FAM149A: variants seen among roughly 807,000 people sequenced by gnomAD.
FAM149A encodes protein FAM149A.
In FAM149A, 71 loss-of-function variants were observed where a neutral mutation model predicts 78.2. The observed-to-expected ratio is 0.91, with a 90% CI of 0.75 to 1.11. The LOEUF is 1.11. FAM149A is among the 50% of genes least tolerant of loss of function. FAM149A has a pLI of 0.00. For synonymous variants in FAM149A, 446 were observed against 410.5 expected (o/e 1.09, Z -1.04); for missense variants, 1,036 against 971.0 (o/e 1.07, Z -0.89).
intron 8 of FAM149A, among the ~76,000 whole-genome samples, chr4:186,160,324 AAC>A (rs1734468317): frequency 8.1e-6 from 1 of 122,792 alleles, no homozygotes; most frequent in East Asian, 2.5e-4. Context: ...CCACACACCA[AAC>A]ACACACCACA....
intron 3 of FAM149A, among the ~76,000 whole-genome samples, chr4:186,150,361 TG>T (rs113369112): frequency 0.035 from 5,159 of 149,002 alleles, 320 homozygotes; most frequent in African/African-American, 0.11. Flanking sequence ...CTGGGTGTTT[TG>T]TTGTTGTTGT....
rs189048102 is a variant in FAM149A, at chr4:186,124,978, T to C, written c.566+19336T>C. ...ATTCTAACTGGTGTGAGACGGTATCTCGTTGTGGTTTTGATTTGCATTTTT... is the reference window on the plus strand; with the variant it reads ...ATTCTAACTGGTGTGAGACGGTATCCCGTTGTGGTTTTGATTTGCATTTTT... On this transcript the variant is annotated intron_variant, in intron 1 of 13. Transcript: ENST00000389354. Among the ~76,000 whole-genome samples the C allele has an allele frequency of 9.8e-4, 149 of 152,360 alleles. 1 individual carries two copies. The highest frequency in any genetic ancestry group is 9.6e-4 in the Non-Finnish European group (65 of 68,042).
At chr4:186,132,238 T>A in intron 1 of FAM149A, 1 of 984,388 alleles carries the variant, frequency 1.0e-6, no homozygotes, top group Non-Finnish European at 1.2e-6. Context: ...AGTATTGTCA[T>A]GAGACAAAAT....
chr4:186,109,673 T>C lies in FAM149A; in HGVS notation c.566+4031T>C, dbSNP rs943343527. The C allele has an allele frequency of 5.1e-6, 5 of 983,668 alleles. No individual in the cohort carries two copies. The African/African-American group carries it at 8.7e-5, about 17-fold the overall frequency. The allele number at this position is 983,668 out of a possible 1,614,324, so 60.9% of individuals were successfully genotyped here. ...TATATGGAGAAATGCTAAAAAAGTG[T>C]TATCTATGATTACTACCTGCTTCTT... On this transcript the variant is annotated intron_variant, in intron 1 of 13. Transcript: ENST00000389354.
Position 186,158,152 on chromosome 4 carries a change from T to C in FAM149A, c.1575+433T>C. The C allele has an allele frequency of 3.1e-6, 4 of 1,285,000 alleles. No individual in the cohort carries two copies. The South Asian group carries it at 3.9e-5, about 13-fold the overall frequency. 79.6% of individuals were successfully genotyped at this position (1,285,000 alleles called of 1,614,324 possible). A position where few individuals can be genotyped will look rare whatever the true frequency, so the allele number is the denominator to read the frequency against. On this transcript the variant is annotated intron_variant, in intron 8 of 13. Coordinates refer to ENST00000389354, the MANE Select transcript of FAM149A (RefSeq NM_001367768.3). The stretch of plus-strand genomic sequence containing the variant: ...GCTCCAGGAACACTGGCCGGCAGGC[T>C]GTGCTGAAGCTCACTGCTGCCACCA...
chr4:186,127,448 A>T (rs899428807), intron 1 of FAM149A: 2 of 985,290 alleles, frequency 2.0e-6, no homozygotes, highest in African/African-American at 3.5e-5. Flanking sequence ...CTCAGAAGAG[A>T]TGTCAAGAGG....
chr4:186,124,434 C>T (rs1289181226), intron 1 of FAM149A, among the ~76,000 whole-genome samples: 2 of 150,178 alleles, frequency 1.3e-5, no homozygotes, highest in East Asian at 2.0e-4. Context: ...CCACAACAGG[C>T]CCCGGTGTGT....
At chr4:186,142,416 C>T (rs925428739) in intron 1 of FAM149A, among the ~76,000 whole-genome samples, 4 of 152,180 alleles carry the variant, frequency 2.6e-5, no homozygotes, top group African/African-American at 7.2e-5. Context: ...CTGAGTGTAT[C>T]GTGCATGTGT....
At chr4:186,157,087 T>G (rs1734092001) in intron 7 of FAM149A, among the ~76,000 whole-genome samples, 1 of 152,230 alleles carries the variant, frequency 6.6e-6, no homozygotes. Context: ...GATATTTGTT[T>G]TTCATTGTTC....
intron 1 of FAM149A, among the ~76,000 whole-genome samples, chr4:186,136,964 T>TTTCTCTCTCTCTC (rs2099323211): frequency 3.1e-5 from 3 of 97,040 alleles, no homozygotes; most frequent in African/African-American, 8.9e-5. Flanking sequence ...CTCTCTCTCT[T>TTTCTCTCTCTCTC]TCTCTCTCTC....
At chr4:186,108,924 T>G (rs564996913) in intron 1 of FAM149A, 2 of 150,984 alleles carry the variant, frequency 1.3e-5, no homozygotes, top group East Asian at 3.9e-4. Flanking sequence ...CTCGGCTCAC[T>G]GCAAGCTCCG....
chr4:186,126,818 C>T, intron 1 of FAM149A: 6 of 901,882 alleles, frequency 6.7e-6, no homozygotes, highest in Non-Finnish European at 8.0e-6. Flanking sequence ...AATAAATCTC[C>T]TGGTGTATGT....
chr4:186,174,286 T>C lies in FAM149A; in HGVS notation c.*2299T>C, dbSNP rs1411697029. Among the ~76,000 whole-genome samples, 1 of 110,724 alleles carries C rather than the reference T, an allele frequency of 9.0e-6. No individual in the cohort carries two copies. The highest frequency in any genetic ancestry group is 2.3e-5 in the Non-Finnish European group (1 of 44,120). 72.6% of individuals were successfully genotyped at this position (110,724 alleles called of 152,430 possible). A position where few individuals can be genotyped will look rare whatever the true frequency, so the allele number is the denominator to read the frequency against. ...TGTGTGCTGTTCCCCTCTGTGTCCA[T>C]GTGTTCTCATCATTTAGCTCCCACT... On this transcript the variant is annotated 3_prime_UTR_variant, in exon 14 of 14. Transcript: ENST00000389354.
intron 1 of FAM149A, among the ~76,000 whole-genome samples, chr4:186,140,441 C>CTTTTTTTTTTTT (rs67506672): frequency 9.5e-6 from 1 of 104,964 alleles, no homozygotes; most frequent in African/African-American, 3.7e-5. Flanking sequence ...ACACACCTAG[C>CTTTTTTTTTTTT]TTTTTTTTTT....
At chr4:186,140,179 G>A (rs1437680225) in intron 1 of FAM149A, among the ~76,000 whole-genome samples, 1 of 152,234 alleles carries the variant, frequency 6.6e-6, no homozygotes, top group South Asian at 2.1e-4. Flanking sequence ...GGGCAAGACA[G>A]AGCCAGCACG....
chr4:186,145,509 C>T (rs1034560090), intron 1 of FAM149A, among the ~76,000 whole-genome samples: 1 of 152,206 alleles, frequency 6.6e-6, no homozygotes, highest in Non-Finnish European at 1.5e-5. Context: ...CTGTCACTGA[C>T]ATTAGAATTT....
chr4:186,167,417 G>A (rs372088710), intron 13 of FAM149A, 155 bp downstream of exon 13: 23 of 728,404 alleles, frequency 3.2e-5, no homozygotes, highest in Non-Finnish European at 4.0e-5. Flanking sequence ...CAGAAACCTC[G>A]ATCACAGAGC....
chr4:186,110,092 T>C (rs1450193281), intron 1 of FAM149A: 1 of 985,364 alleles, frequency 1.0e-6, no homozygotes, highest in Non-Finnish European at 1.2e-6. Context: ...TATCAGACTA[T>C]AAACTCTTTG....
intron 1 of FAM149A, among the ~76,000 whole-genome samples, chr4:186,134,910 A>G (rs2099322093): frequency 6.6e-6 from 1 of 152,214 alleles, no homozygotes. Flanking sequence ...ACAATTCAAT[A>G]TGACGCAGTT....
Sources: gnomAD v4.1 joint callset for allele counts (sites outside exome capture counted in the v4.1 genomes callset) on GRCh38, gnomAD v4.1.1 for gene constraint, MANE v1.5 for transcripts, NCBI Gene and HGNC (gene_info 2026-07-23, HGNC 2026-07-21) for gene names.